Variants in SETDB1 observed in about 807,000 individuals in gnomAD.
The protein encoded by SETDB1 is SET domain bifurcated histone lysine methyltransferase 1.
In SETDB1, 31 loss-of-function variants were observed where a neutral mutation model predicts 137.4. The observed-to-expected ratio is 0.23, with a 90% CI of 0.17 to 0.30. The LOEUF is 0.30. Among genes scored for constraint, SETDB1 ranks in the 10% least tolerant of loss-of-function variants. The pLI is 1.00. For synonymous variants in SETDB1, 548 were observed against 579.9 expected, an observed-to-expected ratio of 0.95 and a Z score of 0.79; for missense variants, 1,113 against 1,631.5, an observed-to-expected ratio of 0.68 and a Z score of 5.47.
At chr1:150,961,289 TGATGGATATTTC>T in intron 16 of SETDB1, 98 bp downstream of exon 16, 1 of 1,256,750 alleles carries the variant, frequency 8.0e-7, no homozygotes, top group Non-Finnish European at 1.1e-6. Context: ...TTATTCTACT[TGATGGATATTTC>T]TGTGGCCACC....
intron 12 of SETDB1, among the ~76,000 whole-genome samples, chr1:150,949,859 C>CA (rs1413085802): frequency 6.6e-6 from 1 of 151,868 alleles, no homozygotes; most frequent in African/African-American, 2.4e-5. Context: ...CGCAGCAGAC[C>CA]AAAAAAACAT....
chr1:150,949,242 C>T lies in SETDB1; in HGVS notation c.1388C>T (p.Pro463Leu), dbSNP rs1198979870. ...GCTCCACCTGCCCCACCTTTCCCAC[C>T]TGCTCCACCTCTATCCCCCCAAGCA... ...PTAPPAPPFP[P>L]APPLSPQAGD... Residue 463 changes from proline (P) to leucine (L), a missense_variant, in exon 11 of 22, where the codon CCT becomes CTT. Coordinates refer to ENST00000692827, the MANE Select transcript of SETDB1 (RefSeq NM_001366418.1). 9.9e-6 allele frequency: 16 copies of T among 1,614,022 alleles called. No homozygotes were observed. The highest frequency in any genetic ancestry group is 1.4e-5 in the Non-Finnish European group (16 of 1,180,032).
intron 14 of SETDB1, among the ~76,000 whole-genome samples, chr1:150,958,238 C>CT (rs933185799): frequency 2.5e-5 from 3 of 121,394 alleles, no homozygotes; most frequent in East Asian, 2.5e-4. Flanking sequence ...TTTTTTTTTT[C>CT]TTTTTTTTCT....
intron 15 of SETDB1, among the ~76,000 whole-genome samples, chr1:150,960,271 C>T (rs1485450309): frequency 2.0e-5 from 3 of 151,274 alleles, no homozygotes; most frequent in African/African-American, 7.3e-5. Context: ...GTCAGGAGTT[C>T]GAGACCAACC....
At chr1:150,943,096 C>G (rs372766368) in intron 7 of SETDB1, 43 bp downstream of exon 7, 223 of 1,415,208 alleles carry the variant, frequency 1.6e-4, no homozygotes, top group Non-Finnish European at 2.0e-4. Context: ...GCTGGGAGCA[C>G]AGCACCTGCC....
rs1397590826 is a variant in SETDB1, at chr1:150,950,985, C to T, written c.2111C>T (p.Pro704Leu). The T allele has an allele frequency of 6.2e-7, 1 of 1,614,098 alleles. No homozygotes were observed. Among genetic ancestry groups the T allele is most frequent in the Non-Finnish European group, 8.5e-7 (1 of 1,180,012 alleles). ...CVNEIDTTPP[P>L]QVAYSKERIP... ...AATGAGATTGACACAACCCCTCCAC[C>T]CCAGGTGGCCTACAGCAAGGAACGT... Residue 704 changes from proline to leucine, a missense_variant, in exon 13 of 22, where the codon CCC (proline) becomes CTC (leucine). This residue lies in a region of SETDB1 where 81 missense variants were observed against 123.4 expected (regional missense o/e 0.66). Transcript: ENST00000692827.
At chr1:150,936,650 A>G (rs1455429290) in intron 3 of SETDB1, among the ~76,000 whole-genome samples, 1 of 152,108 alleles carries the variant, frequency 6.6e-6, no homozygotes, top group Non-Finnish European at 1.5e-5. Flanking sequence ...ACTGTAAGAG[A>G]GTCACTAGTT....
intron 16 of SETDB1, 140 bp from the exon 17 acceptor site, chr1:150,961,990 C>A: frequency 1.1e-6 from 1 of 921,566 alleles, no homozygotes; most frequent in Non-Finnish European, 1.8e-6. Context: ...TGTCAAGTTG[C>A]AGAGTGGTTT....
At position 150,963,992 on chromosome 1, in the gene SETDB1, C is replaced by G; in HGVS notation, c.3673-3C>G. 1 of 1,613,544 alleles carries G rather than the reference C, an allele frequency of 6.2e-7. No homozygotes were observed. Among genetic ancestry groups the G allele is most frequent in the Non-Finnish European group, 8.5e-7 (1 of 1,179,468 alleles). On this transcript the variant is annotated splice_region_variant and splice_polypyrimidine_tract_variant and intron_variant, in intron 20 of 21. Transcript: ENST00000692827. ...TTATTTGATCCTGTCCTTAAACCTA[C>G]AGCACAGTTGCAGCCCCAACCTGTT...
In SETDB1 at chr1:150,960,915, T is replaced by A; in HGVS notation, c.2856T>A (p.Asp952Glu). 6.4e-7 allele frequency: 1 copy of A among 1,569,388 alleles called. No homozygotes were observed. ...ETTSKDSHPP[D>E]LGPPHIPVPP... ...CTTCCAAGGACTCCCACCCCCCAGA[T>A]CTTGGACCCCCACATATTCCTGTTC... The change falls in exon 16 of 22, where the codon GAT becomes GAA. Residue 952 changes from aspartate (D) to glutamate (E), a missense_variant. By Grantham distance (45) the Asp-to-Glu change is conservative. This residue lies in a region of SETDB1 where 373 missense variants were observed against 412.7 expected (regional missense o/e 0.90). Transcript: ENST00000692827.
At chr1:150,933,220 CAGCTA>C (rs1669821087) in intron 3 of SETDB1, among the ~76,000 whole-genome samples, 1 of 151,822 alleles carries the variant, frequency 6.6e-6, no homozygotes, top group African/African-American at 2.4e-5. Context: ...CCGCCACGCC[CAGCTA>C]ACTTTTTTTT....
rs1267678481 is a variant in SETDB1 at position 150,949,217 on chromosome 1, G to C, written c.1363G>C (p.Ala455Pro). Residue 455 changes from alanine to proline, a missense_variant, in exon 11 of 22, where the codon GCT becomes CCT. Ala to Pro is a conservative substitution (Grantham distance 27). This residue lies in a region of SETDB1 where 192 missense variants were observed against 198.1 expected (regional missense o/e 0.97). Transcript: ENST00000692827. Reference protein sequence around the residue: ...FKPVEPPQPTAPPAPPFPPAP... With the variant: ...FKPVEPPQPTPPPAPPFPPAP... Reference sequence around the variant, plus strand: ...GCCAGTGGAACCCCCACAGCCTACAGCTCCACCTGCCCCACCTTTCCCACC... The same window carrying C: ...GCCAGTGGAACCCCCACAGCCTACACCTCCACCTGCCCCACCTTTCCCACC... 1 of 1,613,924 alleles carries C rather than the reference G, an allele frequency of 6.2e-7. No individual in the cohort carries two copies.
chr1:150,962,981 T>C lies in SETDB1; in HGVS notation c.3302T>C (p.Leu1101Pro). 6.2e-7 allele frequency: 1 copy of C among 1,613,940 alleles called. No individual in the cohort carries two copies. Among genetic ancestry groups the C allele is most frequent in the East Asian group, 2.2e-5 (1 of 44,874 alleles). The change falls in exon 19 of 22, where the codon CTG (leucine) becomes CCG (proline). Residue 1101 changes from leucine (L) to proline (P), a missense_variant. By Grantham distance (98) the Leu-to-Pro change is moderately conservative. Transcript: ENST00000692827. ...ACCCTCCTGCTTCCCCAGGATGTCC[T>C]GACACTGTCCAGCAGCACAGAAAGT... ...ASAQSNPDDVLTLSSSTESEG... is the reference protein window; with the variant it reads ...ASAQSNPDDVPTLSSSTESEG...
In SETDB1 at chr1:150,927,696, C is replaced by A; in HGVS notation, c.-11-8C>A. ...ACTCCAATTTAATTTGTTTTCTGTT[C>A]CATGCAGAGGACAAAAGCATGTCTT... is the stretch of plus-strand genomic sequence containing the variant. On this transcript the variant is annotated splice_polypyrimidine_tract_variant and splice_region_variant and intron_variant, in intron 1 of 21. Coordinates refer to ENST00000692827, the MANE Select transcript of SETDB1 (RefSeq NM_001366418.1). The A allele has an allele frequency of 6.2e-7, 1 of 1,611,238 alleles. No homozygotes were observed. Among genetic ancestry groups the A allele is most frequent in the South Asian group, 1.1e-5 (1 of 90,608 alleles).
At chr1:150,948,920 T>C (rs1300947767) in intron 10 of SETDB1, among the ~76,000 whole-genome samples, 2 of 152,068 alleles carry the variant, frequency 1.3e-5, no homozygotes, top group African/African-American at 4.8e-5. Flanking sequence ...GGTTTCACCA[T>C]GTTGGCCAGG....
At chr1:150,938,334 CAT>C (rs1246235501) in intron 3 of SETDB1, among the ~76,000 whole-genome samples, 1 of 151,818 alleles carries the variant, frequency 6.6e-6, no homozygotes, top group African/African-American at 2.4e-5. Context: ...TAGGCAAATC[CAT>C]AGAGACAGAA....
intron 3 of SETDB1, among the ~76,000 whole-genome samples, chr1:150,936,655 C>G (rs1669952633): frequency 6.6e-6 from 1 of 152,106 alleles, no homozygotes; most frequent in African/African-American, 2.4e-5. Flanking sequence ...AAGAGAGTCA[C>G]TAGTTCTTAG....
In SETDB1 at chr1:150,951,391, C is replaced by G. The variant is rs1482057258; in HGVS notation, c.2243C>G (p.Thr748Ser). 29 of 1,613,106 alleles carry G rather than the reference C, an allele frequency of 1.8e-5. No homozygotes were observed. The highest frequency in any genetic ancestry group is 2.5e-5 in the Non-Finnish European group (29 of 1,179,162). ...DKSKCACHQL[T>S]IQATACTPGG... ...TCCAAGTGTGCCTGCCATCAACTAA[C>G]TATCCAGGCTACAGCCTGTACCCCA... is the stretch of plus-strand genomic sequence containing the variant. The change falls in exon 14 of 22, where the codon ACT becomes AGT. Residue 748 changes from threonine (T) to serine (S), a missense_variant. This residue lies in a region of SETDB1 where 81 missense variants were observed against 123.4 expected (regional missense o/e 0.66). Transcript: ENST00000692827.
chr1:150,928,497 C>A lies in SETDB1; in HGVS notation c.260+523C>A, dbSNP rs183197587. ...AATTGCTTCATTTCCCTAGTAAGAT[C>A]ATCCAGGGAGTGAGGATTGTAAAGA... On this transcript the variant is annotated intron_variant, in intron 2 of 21. Coordinates refer to ENST00000692827, the MANE Select transcript of SETDB1 (RefSeq NM_001366418.1). 5.3e-4 allele frequency among the ~76,000 whole-genome samples: 81 copies of A among 152,298 alleles called. 1 individual carries two copies. The Middle Eastern group carries it at 0.01, about 19-fold the overall frequency.
Sources: gnomAD v4.1 joint callset for allele counts (sites outside exome capture counted in the v4.1 genomes callset) on GRCh38, gnomAD v4.1.1 for gene constraint, gnomAD v4.1.1 regional missense constraint, MANE v1.5 for transcripts, NCBI Gene and HGNC (gene_info 2026-07-23, HGNC 2026-07-21) for gene names.